Variants in EMC3 observed in about 807,000 individuals in gnomAD.
EMC3 encodes ER membrane protein complex subunit 3.
In EMC3, 13 loss-of-function variants were observed where a neutral mutation model predicts 36.6. The observed-to-expected ratio is 0.35, with a 90% CI of 0.23 to 0.56. The LOEUF (loss-of-function observed/expected upper bound fraction) is 0.56. Among genes scored for constraint, EMC3 ranks in the 20% least tolerant of loss-of-function variants. The pLI is 0.84. For synonymous variants in EMC3, 120 were observed against 111.9 expected, an observed-to-expected ratio of 1.07 and a Z score of -0.46; for missense variants, 220 against 324.5, an observed-to-expected ratio of 0.68 and a Z score of 2.47.
chr3:10,008,837 C>T (rs2086292773), intron 1 of EMC3, among the ~76,000 whole-genome samples: 1 of 152,176 alleles, frequency 6.6e-6, no homozygotes, highest in Non-Finnish European at 1.5e-5. Flanking sequence ...ATCTCTGGCA[C>T]CCAGGAGGCC....
chr3:10,005,777 G>A (rs887410538), intron 1 of EMC3, among the ~76,000 whole-genome samples: 1 of 152,114 alleles, frequency 6.6e-6, no homozygotes, highest in African/African-American at 2.4e-5. Flanking sequence ...CATCTCTGTG[G>A]CAATCATAGA....
intron 7 of EMC3, 28 bp from the exon 8 acceptor site, chr3:9,964,225 G>A: frequency 6.2e-7 from 1 of 1,610,848 alleles, no homozygotes; most frequent in Non-Finnish European, 8.5e-7. Flanking sequence ...ACCCAGGCAG[G>A]AAGAGAGGGA....
At chr3:9,984,554 G>T (rs2085949605) in intron 1 of EMC3, among the ~76,000 whole-genome samples, 1 of 150,856 alleles carries the variant, frequency 6.6e-6, no homozygotes, top group Non-Finnish European at 1.5e-5. Context: ...ACCACGCTCA[G>T]CTAATTTTTT....
rs1445821812 is a variant in EMC3 at position 9,968,015 on chromosome 3, G to A, written c.657+1704C>T. ...TGACTCACTGCAACCTCTGCCTCCC[G>A]GGTTCAAGTGATTCTCCTGCCTCAG... On this transcript the variant is annotated intron_variant, in intron 7 of 7. Transcript: ENST00000245046. Among the ~76,000 whole-genome samples, 6 of 152,018 alleles carry A rather than the reference G, an allele frequency of 3.9e-5. No homozygotes were observed. The South Asian group carries it at 6.2e-4, about 16-fold the overall frequency.
chr3:9,987,399 A>G, upstream of EMC3: 2 of 605,074 alleles, frequency 3.3e-6, no homozygotes, highest in Non-Finnish European at 4.1e-6. Flanking sequence ...ATCTGCCCTG[A>G]GATGGGATAG....
intron 3 of EMC3, among the ~76,000 whole-genome samples, chr3:9,975,600 C>T (rs1005105668): frequency 1.2e-4 from 18 of 151,786 alleles, no homozygotes; most frequent in Admixed American, 9.8e-4. Flanking sequence ...ATCACGAGGT[C>T]AGGAGATGGA....
Position 9,963,458 on chromosome 3 carries a change from T to TAGATAG in EMC3, c.*610_*611insCTATCT, listed in dbSNP as rs1322352014. On this transcript the variant is annotated 3_prime_UTR_variant, in exon 8 of 8. Coordinates refer to ENST00000245046, the MANE Select transcript of EMC3 (RefSeq NM_001394674.1). ...GACTGGGCTTCTGCTAAGATAGATATATATATATATATATATATATTTTTT... is the reference window on the plus strand; with the variant it reads ...GACTGGGCTTCTGCTAAGATAGATATAGATAGATATATATATATATATATATTTTTT... 4 of 84,258 alleles carry TAGATAG rather than the reference T, an allele frequency of 4.7e-5. No individual in the cohort carries two copies. The highest frequency in any genetic ancestry group is 9.7e-5 in the African/African-American group (2 of 20,536). 5.2% of individuals were successfully genotyped at this position (84,258 alleles called of 1,614,324 possible).
chr3:9,999,530 C>A (rs956065797), intron 1 of EMC3, among the ~76,000 whole-genome samples: 1 of 152,192 alleles, frequency 6.6e-6, no homozygotes, highest in African/African-American at 2.4e-5. Flanking sequence ...TGAGCCACCA[C>A]ATCTGGCCTT....
At chr3:9,971,578 C>T (rs1237097097) in intron 5 of EMC3, among the ~76,000 whole-genome samples, 1 of 152,176 alleles carries the variant, frequency 6.6e-6, no homozygotes, top group Non-Finnish European at 1.5e-5. Flanking sequence ...GTTCCAGTCT[C>T]GCGTCTGTCC....
upstream of EMC3, among the ~76,000 whole-genome samples, chr3:9,991,555 C>T (rs1189683986): frequency 2.0e-5 from 3 of 152,018 alleles, no homozygotes; most frequent in Non-Finnish European, 4.4e-5. Context: ...CTCACTCTGT[C>T]GCCAGGCTGG....
intron 3 of EMC3, among the ~76,000 whole-genome samples, chr3:9,975,239 T>C (rs1361691548): frequency 6.6e-6 from 1 of 152,186 alleles, no homozygotes; most frequent in Non-Finnish European, 1.5e-5. Context: ...CTATCGATTG[T>C]TTCCATTGTT....
intron 1 of EMC3, chr3:10,002,686 G>T (rs1172239589): frequency 2.6e-6 from 1 of 385,952 alleles, no homozygotes; most frequent in African/African-American, 2.1e-5. Context: ...GGCTCAACAA[G>T]CCCCTGAGCA....
intron 1 of EMC3, among the ~76,000 whole-genome samples, chr3:9,979,311 AC>A (rs2085885607): frequency 3.3e-5 from 5 of 152,364 alleles, no homozygotes; most frequent in Middle Eastern, 6.8e-3. Context: ...AAAATATTTT[AC>A]AAAAGTATTA....
intron 1 of EMC3, among the ~76,000 whole-genome samples, chr3:9,992,443 T>G (rs990621889): frequency 6.6e-6 from 1 of 152,230 alleles, no homozygotes; most frequent in Non-Finnish European, 1.5e-5. Context: ...TCCTTTTTGA[T>G]GACTATAATA....
chr3:10,006,982 G>C (rs1318234956), intron 1 of EMC3: 2 of 288,058 alleles, frequency 6.9e-6, no homozygotes, highest in Non-Finnish European at 1.4e-5. Context: ...AATGGTTACT[G>C]ATAAGTGACC....
At chr3:9,972,480 A>C (rs1048061973) in intron 5 of EMC3, among the ~76,000 whole-genome samples, 4 of 151,666 alleles carry the variant, frequency 2.6e-5, no homozygotes, top group South Asian at 2.1e-4. Context: ...AAAAAAAAAA[A>C]AAAACTCTGG....
intron 1 of EMC3, among the ~76,000 whole-genome samples, chr3:9,997,127 A>G (rs2687909): frequency 5.3e-5 from 8 of 152,112 alleles, no homozygotes; most frequent in Non-Finnish European, 8.8e-5. Flanking sequence ...ATCACATTCT[A>G]TCTATGGATT....
chr3:9,994,643 T>C (rs2086101129), intron 1 of EMC3, among the ~76,000 whole-genome samples: 1 of 152,160 alleles, frequency 6.6e-6, no homozygotes, highest in Admixed American at 6.5e-5. Flanking sequence ...CAATCTCGGC[T>C]CACTGCAACC....
intron 1 of EMC3, among the ~76,000 whole-genome samples, chr3:9,982,464 A>G (rs2124915531): frequency 6.6e-6 from 1 of 152,036 alleles, no homozygotes; most frequent in East Asian, 1.9e-4. Context: ...CTTGTTAGCC[A>G]GGATGGTCTC....
Sources: allele counts gnomAD v4.1 joint callset (sites outside exome capture counted in the v4.1 genomes callset), GRCh38; gene constraint gnomAD v4.1.1; transcripts MANE v1.5; gene names NCBI Gene and HGNC (gene_info 2026-07-23, HGNC 2026-07-21).